Variants in PTPRT observed in about 807,000 individuals in gnomAD.
PTPRT encodes the protein protein tyrosine phosphatase receptor type T.
In PTPRT, 56 loss-of-function variants were observed where a neutral mutation model predicts 176.8. The observed-to-expected ratio is 0.32, with a 90% CI of 0.26 to 0.40. The LOEUF is 0.40. Ranked by LOEUF, PTPRT falls within the 10% of genes least tolerant of loss-of-function variation. The pLI, the probability that PTPRT is intolerant of heterozygous loss-of-function variation, is 1.00. For missense variants in PTPRT, 1,540 were observed against 1,908.2 expected, an observed-to-expected ratio of 0.81 and a Z score of 3.60; for synonymous variants, 783 against 739.0, an observed-to-expected ratio of 1.06 and a Z score of -0.96.
At chr20:42,108,829 A>G (rs1156625493) in intron 23 of PTPRT, among the ~76,000 whole-genome samples, 1 of 152,236 alleles carries the variant, frequency 6.6e-6, no homozygotes, top group African/African-American at 2.4e-5. Flanking sequence ...GAATGGCCCC[A>G]GGAGTGGGTA....
chr20:42,945,032 TTG>T (rs910979124), intron 1 of PTPRT, among the ~76,000 whole-genome samples: 59 of 149,690 alleles, frequency 3.9e-4, no homozygotes, highest in African/African-American at 8.3e-4. Flanking sequence ...TTATAAAATG[TTG>T]TGTGTGTGTG....
intron 4 of PTPRT, among the ~76,000 whole-genome samples, chr20:42,774,465 T>C (rs1391694410): frequency 1.3e-5 from 2 of 152,142 alleles, no homozygotes; most frequent in Admixed American, 6.5e-5. Context: ...TATAGGGGTG[T>C]CAAACGTCTG....
chr20:42,834,203 C>T (rs1303902094), intron 2 of PTPRT, among the ~76,000 whole-genome samples: 1 of 152,020 alleles, frequency 6.6e-6, no homozygotes, highest in African/African-American at 2.4e-5. Context: ...TTTGAGCAAA[C>T]ACATTACTAA....
intron 10 of PTPRT, 111 bp from the exon 11 acceptor site, chr20:42,350,841 T>C (rs1264538867): frequency 3.5e-5 from 28 of 804,818 alleles, no homozygotes; most frequent in Non-Finnish European, 5.1e-5. Context: ...GGAGGACGTT[T>C]AGGAAAGGGG....
intron 15 of PTPRT, among the ~76,000 whole-genome samples, chr20:42,224,496 T>C (rs772603862): frequency 2.6e-5 from 4 of 152,226 alleles, no homozygotes; most frequent in Non-Finnish European, 5.9e-5. Context: ...CATGTTTATC[T>C]GATGATTGTA....
intron 25 of PTPRT, among the ~76,000 whole-genome samples, chr20:42,104,254 A>G (rs1986218073): frequency 6.6e-6 from 1 of 152,176 alleles, no homozygotes; most frequent in Non-Finnish European, 1.5e-5. Context: ...GGATTCCTTG[A>G]GCCCAGGAGT....
At chr20:42,243,363 G>A (rs562686411) in intron 14 of PTPRT, among the ~76,000 whole-genome samples, 2 of 152,258 alleles carry the variant, frequency 1.3e-5, no homozygotes, top group South Asian at 2.1e-4. Flanking sequence ...TACAACCACC[G>A]GGTAGTGTGA....
At chr20:42,622,808 G>C (rs2074223178) in intron 7 of PTPRT, among the ~76,000 whole-genome samples, 1 of 152,212 alleles carries the variant, frequency 6.6e-6, no homozygotes, top group African/African-American at 2.4e-5. Context: ...ACGGACAGGA[G>C]ATAGGGAAAT....
intron 1 of PTPRT, among the ~76,000 whole-genome samples, chr20:43,057,305 GAAT>G (rs201570568): frequency 4.8e-5 from 4 of 82,584 alleles, no homozygotes; most frequent in Non-Finnish European, 7.4e-5. Flanking sequence ...AGGGGGGAAG[GAAT>G]GGAGGAGGAG....
At chr20:42,542,210 G>A (rs1419627371) in intron 7 of PTPRT, among the ~76,000 whole-genome samples, 1 of 152,110 alleles carries the variant, frequency 6.6e-6, no homozygotes, top group African/African-American at 2.4e-5. Flanking sequence ...CCAGTCTTGG[G>A]TAGGTCTTTA....
At chr20:42,143,088 G>A (rs1475911972) in intron 17 of PTPRT, among the ~76,000 whole-genome samples, 1 of 152,164 alleles carries the variant, frequency 6.6e-6, no homozygotes, top group Non-Finnish European at 1.5e-5. Flanking sequence ...GATTATATAA[G>A]ACATTGCTAT....
At chr20:43,178,405 G>C (rs893254955) in intron 1 of PTPRT, among the ~76,000 whole-genome samples, 1 of 152,134 alleles carries the variant, frequency 6.6e-6, no homozygotes, top group African/African-American at 2.4e-5. Flanking sequence ...TTGGCTCAAA[G>C]TTGTGATTTC....
intron 22 of PTPRT, 70 bp downstream of exon 22, chr20:42,115,129 C>T (rs1779241555): frequency 8.8e-7 from 1 of 1,141,586 alleles, no homozygotes; most frequent in Non-Finnish European, 1.3e-6. Context: ...TCAGTTACCA[C>T]ATGTTCTGGA....
intron 7 of PTPRT, among the ~76,000 whole-genome samples, chr20:42,541,525 GT>G (rs2072579541): frequency 1.3e-3 from 1 of 758 alleles, no homozygotes; most frequent in Non-Finnish European, 2.8e-3. Flanking sequence ...TAGTAAATAA[GT>G]ATTTACTAGT....
At chr20:42,868,631 A>G (rs2145816401) in intron 2 of PTPRT, among the ~76,000 whole-genome samples, 1 of 152,322 alleles carries the variant, frequency 6.6e-6, no homozygotes, top group Non-Finnish European at 1.5e-5. Context: ...AGAGAATACC[A>G]ACAGTGTGGC....
intron 7 of PTPRT, among the ~76,000 whole-genome samples, chr20:42,554,071 T>G (rs563148421): frequency 6.6e-6 from 1 of 152,170 alleles, no homozygotes; most frequent in African/African-American, 2.4e-5. Flanking sequence ...AATATAATCT[T>G]TGCAGGATTT....
At chr20:43,159,824 C>T (rs1009078295) in intron 1 of PTPRT, among the ~76,000 whole-genome samples, 1 of 151,934 alleles carries the variant, frequency 6.6e-6, no homozygotes, top group Non-Finnish European at 1.5e-5. Context: ...TGTCTGTGGT[C>T]GCTGTTTTTC....
chr20:42,257,656 C>A (rs7271828), intron 13 of PTPRT, among the ~76,000 whole-genome samples: 2 of 98,980 alleles, frequency 2.0e-5, no homozygotes, highest in Non-Finnish European at 4.1e-5. Context: ...CCCCCCCCCC[C>A]GCCCACTACT....
At position 42,959,879 on chromosome 20, in the gene PTPRT, G is replaced by A. The variant is rs1384335080; in HGVS notation, c.89-73947C>T. 3.9e-5 allele frequency among the ~76,000 whole-genome samples: 6 copies of A among 152,112 alleles called. No individual in the cohort carries two copies. The East Asian group carries it at 1.2e-3, about 29-fold the overall frequency. The stretch of plus-strand genomic sequence containing the variant: ...GGACAGGAGACACAGAAATAGCCCA[G>A]CCGACAATGGACAGTGCCTTATCTT... On this transcript the variant is annotated intron_variant, in intron 1 of 30. Transcript: ENST00000373187.
Sources: allele counts gnomAD v4.1 joint callset (sites outside exome capture counted in the v4.1 genomes callset), GRCh38; gene constraint gnomAD v4.1.1; transcripts MANE v1.5; gene names NCBI Gene and HGNC (gene_info 2026-07-23, HGNC 2026-07-21).